Variants in C1R observed in about 807,000 individuals in gnomAD.
The protein encoded by C1R is complement C1r subcomponent.
Under a neutral mutation model 27.6 loss-of-function variants are expected in C1R, and 15 were observed. The observed-to-expected ratio is 0.54, with a 90% confidence interval of 0.36 to 0.84. The LOEUF (loss-of-function observed/expected upper bound fraction) is 0.84. Among genes scored for constraint, C1R ranks in the 40% least tolerant of loss-of-function variants. The pLI is 0.01. For synonymous variants in C1R, 253 were observed against 228.8 expected (o/e 1.11, Z -0.95); for missense variants, 544 against 577.9 (o/e 0.94, Z 0.60).
In C1R at chr12:7,081,023, G is replaced by A. The variant is rs746977717; in HGVS notation, c.1627C>T (p.His543Tyr). ...GNHPIRRVSV[H>Y]PDYRQDESYN... ...GACTCATCCTGACGGTAGTCCGGGT[G>A]GACGCTGACCCTGCGGATGGGGTGA... The change falls in exon 11 of 11, where the codon CAC becomes TAC. Residue 543 changes from histidine to tyrosine, a missense_variant. Transcript: ENST00000647956. The A allele has an allele frequency of 6.2e-7, 1 of 1,614,038 alleles. No homozygotes were observed. Among genetic ancestry groups the A allele is most frequent in the Admixed American group, 1.7e-5 (1 of 60,022 alleles).
At position 7,089,690 on chromosome 12, in the gene C1R, A is replaced by C; in HGVS notation, c.468T>G (p.Asp156Glu). The C allele has an allele frequency of 2.6e-6, 2 of 780,878 alleles. No individual in the cohort carries two copies. The highest frequency in any genetic ancestry group is 4.8e-5 in the East Asian group (2 of 41,252). 48.4% of individuals were successfully genotyped at this position (780,878 alleles called of 1,614,324 possible). The change falls in exon 4 of 11, where the codon GAT (aspartate) becomes GAG (glutamate). Residue 156 changes from aspartate to glutamate, a missense_variant. Physicochemically the swap from Asp to Glu is conservative, Grantham distance 45. Transcript: ENST00000647956. ...CASRSKSGEE[D>E]PQPQCQHLCH... ...ACAGGTGCTGGCACTGGGGCTGGGGATCCTCCTCCCCTGATTTGCTCCGGG... is the reference window on the plus strand; with the variant it reads ...ACAGGTGCTGGCACTGGGGCTGGGGCTCCTCCTCCCCTGATTTGCTCCGGG...
chr12:7,085,593 TG>T (rs1442054677), intron 9 of C1R, among the ~76,000 whole-genome samples: 1 of 151,916 alleles, frequency 6.6e-6, no homozygotes, highest in Non-Finnish European at 1.5e-5. Context: ...ATGGTAGCAA[TG>T]GGGGTGTGGT....
intron 5 of C1R, 140 bp downstream of exon 5, chr12:7,089,153 T>C (rs1224088653): frequency 4.7e-6 from 3 of 640,838 alleles, no homozygotes; most frequent in African/African-American, 3.6e-5. Flanking sequence ...TCTAGTTGTG[T>C]GGGAACTTAC....
Position 7,080,999 on chromosome 12 carries a change from A to T in C1R, c.1651T>A (p.Ser551Thr). 6.2e-7 allele frequency: 1 copy of T among 1,613,912 alleles called. No homozygotes were observed. Residue 551 changes from serine (S) to threonine (T), a missense_variant, in exon 11 of 11, where the codon TCC becomes ACC. By Grantham distance (58) the Ser-to-Thr change is moderately conservative. This residue lies in a region of C1R where 253 missense variants were observed against 368.9 expected (regional missense o/e 0.69). Transcript: ENST00000647956. The surrounding 1 kb of genome is among the most constrained non-coding windows in gnomAD (Gnocchi z 4.9). The stretch of plus-strand genomic sequence containing the variant: ...GCGATGTCCCCCTCAAAATTGTAGG[A>T]CTCATCCTGACGGTAGTCCGGGTGG... ...SVHPDYRQDESYNFEGDIALL... is the reference protein window; with the variant it reads ...SVHPDYRQDETYNFEGDIALL...
intron 2 of C1R, among the ~76,000 whole-genome samples, chr12:7,090,519 T>A (rs1480905772): frequency 6.6e-6 from 1 of 152,130 alleles, no homozygotes. Context: ...AGGTTTCAGG[T>A]CCTTCTCCAT....
chr12:7,091,772 C>T lies in C1R; in HGVS notation c.3-92G>A, dbSNP rs1488395527. 2.8e-6 allele frequency: 2 copies of T among 715,210 alleles called. No individual in the cohort carries two copies. Among genetic ancestry groups the T allele is most frequent in the Admixed American group, 4.0e-5 (2 of 50,000 alleles). 44.3% of individuals were successfully genotyped at this position (715,210 alleles called of 1,614,324 possible). A position where few individuals can be genotyped will look rare whatever the true frequency, so the allele number is the denominator to read the frequency against. On this transcript the variant is annotated intron_variant, in intron 1 of 10. Transcript: ENST00000647956. The surrounding 1 kb of genome is among the most constrained non-coding windows in gnomAD (Gnocchi z 5.1). Reference sequence around the variant, plus strand: ...TGTGGCAGGGGATGAGACGGCCATACCACTGGGCATTCTCCTCTCTGCCCA... The same window carrying T: ...TGTGGCAGGGGATGAGACGGCCATATCACTGGGCATTCTCCTCTCTGCCCA...
At position 7,091,686 on chromosome 12, in the gene C1R, A is replaced by G; in HGVS notation, c.3-6T>C. ...CCAGGAGGTACAAGAGCCACCTGCC[A>G]AAACAAAAGAGAGTATCTGGAGCTG... On this transcript the variant is annotated splice_region_variant and splice_polypyrimidine_tract_variant and intron_variant, in intron 1 of 10. Coordinates refer to ENST00000647956, the MANE Select transcript of C1R (RefSeq NM_001733.7). The surrounding 1 kb of genome is among the most constrained non-coding windows in gnomAD (Gnocchi z 5.1). The G allele has an allele frequency of 1.4e-6, 1 of 727,830 alleles. No individual in the cohort carries two copies. The highest frequency in any genetic ancestry group is 2.6e-6 in the Non-Finnish European group (1 of 390,232). The allele number at this position is 727,830 out of a possible 1,614,324, so 45.1% of individuals were successfully genotyped here.
intron 1 of C1R, 127 bp downstream of exon 1, chr12:7,092,259 TG>T: frequency 1.3e-6 from 1 of 752,158 alleles, no homozygotes; most frequent in Non-Finnish European, 2.5e-6. Flanking sequence ...TGTCCACGCG[TG>T]TGCACAGTGG....
rs1345486365 is a variant in C1R, at chr12:7,084,993, G to A, written c.1273+868C>T. 4.7e-5 allele frequency among the ~76,000 whole-genome samples: 7 copies of A among 148,398 alleles called. No individual in the cohort carries two copies. The East Asian group carries it at 9.9e-4, about 21-fold the overall frequency. The stretch of plus-strand genomic sequence containing the variant: ...GATGGTGCTGATGATGGTGTTGGTG[G>A]TGATGGTGGTGGTGATGGTGGTGTT... On this transcript the variant is annotated intron_variant, in intron 9 of 10. Transcript: ENST00000647956.
Position 7,091,441 on chromosome 12 carries a change from C to A in C1R, c.231+11G>T. 1.3e-6 allele frequency: 1 copy of A among 748,284 alleles called. No homozygotes were observed. The highest frequency in any genetic ancestry group is 2.5e-5 in the East Asian group (1 of 39,746). The allele number at this position is 748,284 out of a possible 1,614,324, so 46.4% of individuals were successfully genotyped here. A position where few individuals can be genotyped will look rare whatever the true frequency, so the allele number is the denominator to read the frequency against. ...TTTTGTCTCCCCTCTGCCCGCCCATCCTGCCCCTACCTTGACATAATCATA... is the reference window on the plus strand; with the variant it reads ...TTTTGTCTCCCCTCTGCCCGCCCATACTGCCCCTACCTTGACATAATCATA... On this transcript the variant is annotated intron_variant, in intron 2 of 10. Coordinates refer to ENST00000647956, the MANE Select transcript of C1R (RefSeq NM_001733.7). This position sits in a 1 kb window ranked among gnomAD's most constrained non-coding sequence, Gnocchi z 5.1.
rs150953301 is a variant in C1R, at chr12:7,090,114, G to A, written c.366C>T (p.Asn122=). 37 of 777,910 alleles carry A rather than the reference G, an allele frequency of 4.8e-5. No homozygotes were observed. Among genetic ancestry groups the A allele is most frequent in the Admixed American group, 1.7e-4 (10 of 58,608 alleles). 48.2% of individuals were successfully genotyped at this position (777,910 alleles called of 1,614,324 possible). ...MLLTFHTDFS[N]EENGTIMFYK... Reference sequence around the variant, plus strand: ...AGAACATGATGGTCCCATTCTCCTCGTTGGAGAAGTCTGTGTGGAAGGTCA... The same window carrying A: ...AGAACATGATGGTCCCATTCTCCTCATTGGAGAAGTCTGTGTGGAAGGTCA... Residue 122 remains asparagine, a synonymous_variant, in exon 3 of 11, where the codon AAC becomes AAT. Coordinates refer to ENST00000647956, the MANE Select transcript of C1R (RefSeq NM_001733.7).
At position 7,088,603 on chromosome 12, in the gene C1R, C is replaced by A; in HGVS notation, c.1038+7G>T. On this transcript the variant is annotated splice_region_variant and intron_variant, in intron 7 of 10. Transcript: ENST00000647956. ...CCGGCTCTCTCCCCTCAGCCCTGGG[C>A]TCTTACCTCTATGAGCTGGTAGCCT... is the stretch of plus-strand genomic sequence containing the variant. The A allele has an allele frequency of 1.4e-6, 1 of 720,702 alleles. No individual in the cohort carries two copies. The highest frequency in any genetic ancestry group is 1.5e-5 in the South Asian group (1 of 67,716). The allele number at this position is 720,702 out of a possible 1,614,324, so 44.6% of individuals were successfully genotyped here.
Position 7,080,979 on chromosome 12 carries a change from GT to G in C1R, c.1670del (p.Asp557AlafsTer33). 1 of 1,613,880 alleles carries G rather than the reference GT, an allele frequency of 6.2e-7. No homozygotes were observed. The highest frequency in any genetic ancestry group is 1.1e-5 in the South Asian group (1 of 91,084). On this transcript the variant is annotated frameshift_variant, in exon 11 of 11. Transcript: ENST00000647956. LOFTEE classifies it low-confidence loss of function (END_TRUNC). The surrounding 1 kb of genome is among the most constrained non-coding windows in gnomAD (Gnocchi z 4.9). Reference protein sequence around the residue: ...RQDESYNFEGDIALLELENSV... With the variant: ...RQDESYNFEGXIALLELENSV... ...TATTTTCCAGCTCCAGCAGGGCGAT[GT>G]CCCCCTCAAAATTGTAGGACTCATC...
At position 7,082,013 on chromosome 12, in the gene C1R, C is replaced by T. The variant is rs780697431; in HGVS notation, c.1348+19G>A. 6 of 1,536,070 alleles carry T rather than the reference C, an allele frequency of 3.9e-6. No individual in the cohort carries two copies. The South Asian group carries it at 6.0e-5, about 15-fold the overall frequency. On this transcript the variant is annotated intron_variant, in intron 10 of 10. Transcript: ENST00000647956. Reference sequence around the variant, plus strand: ...GCTGCTAAAGACCCTGATGATGGCCCCAGAGGGTTTCCACTCACCTGGCAA... The same window carrying T: ...GCTGCTAAAGACCCTGATGATGGCCTCAGAGGGTTTCCACTCACCTGGCAA...
rs1350362799 is a variant in C1R at position 7,088,952 on chromosome 12, C to A, written c.803G>T (p.Cys268Phe). Residue 268 changes from cysteine to phenylalanine, a missense_variant, in exon 6 of 11, where the codon TGT (cysteine) becomes TTT (phenylalanine). Transcript: ENST00000647956. Reference protein sequence around the residue: ...YANGKNIGEFCGKQRPPDLDT... With the variant: ...YANGKNIGEFFGKQRPPDLDT... ...GAGGTCGGGGGGCCTTTGCTTCCCA[C>A]AGAACTCGCCAATGTTCTTCCCGTT... 1.3e-6 allele frequency: 1 copy of A among 752,568 alleles called. No individual in the cohort carries two copies. Among genetic ancestry groups the A allele is most frequent in the Admixed American group, 1.8e-5 (1 of 54,386 alleles). 46.6% of individuals were successfully genotyped at this position (752,568 alleles called of 1,614,324 possible). A position where few individuals can be genotyped will look rare whatever the true frequency, so the allele number is the denominator to read the frequency against.
intron 6 of C1R, 48 bp downstream of exon 6, chr12:7,088,791 C>G (rs369370622): frequency 2.6e-5 from 20 of 774,468 alleles, no homozygotes; most frequent in Non-Finnish European, 3.9e-5. Flanking sequence ...CTTCTTCCCC[C>G]CTTTTCCCCA....
chr12:7,083,342 ATGG>A (rs1157699443), intron 9 of C1R, among the ~76,000 whole-genome samples: 25 of 151,854 alleles, frequency 1.6e-4, no homozygotes, highest in African/African-American at 5.3e-4. Flanking sequence ...GTTGGTGGTG[ATGG>A]TGGTGTTGGT....
At chr12:7,083,128 C>CT (rs1277524798) in intron 9 of C1R, among the ~76,000 whole-genome samples, 7 of 151,962 alleles carry the variant, frequency 4.6e-5, no homozygotes, top group African/African-American at 1.7e-4. Flanking sequence ...AAAATCACAA[C>CT]TAGGTTGAGG....
chr12:7,089,454 C>A lies in C1R; in HGVS notation c.607G>T (p.Gly203Cys). Residue 203 changes from glycine to cysteine, a missense_variant, in exon 5 of 11, where the codon GGC becomes TGC. Gly to Cys is a radical substitution (Grantham distance 159, BLOSUM62 -3). This residue lies in a region of C1R where 291 missense variants were observed against 209.0 expected (regional missense o/e 1.39). Coordinates refer to ENST00000647956, the MANE Select transcript of C1R (RefSeq NM_001733.7). ...CSSELYTEAS[G>C]YISSLEYPRS... ...GGGTACTCCAGGCTGGAGATGTAGC[C>A]TGATGCCTCCGTGTACAGCTCGCTG... 1 of 777,914 alleles carries A rather than the reference C, an allele frequency of 1.3e-6. No individual in the cohort carries two copies. Among genetic ancestry groups the A allele is most frequent in the Non-Finnish European group, 2.4e-6 (1 of 416,188 alleles). The allele number at this position is 777,914 out of a possible 1,614,324, so 48.2% of individuals were successfully genotyped here.
Sources: allele counts gnomAD v4.1 joint callset (sites outside exome capture counted in the v4.1 genomes callset), GRCh38; gene constraint gnomAD v4.1.1; regional missense constraint gnomAD v4.1.1; non-coding constraint Gnocchi (gnomAD v3.1); transcripts MANE v1.5; gene names NCBI Gene and HGNC (gene_info 2026-07-23, HGNC 2026-07-21).